SHLD2: variants seen among roughly 807,000 people sequenced by gnomAD.
SHLD2 encodes shieldin complex subunit 2, also known as RINN1-REV7-interacting novel NHEJ regulator 2.
A neutral mutation model predicts 73.2 loss-of-function variants in SHLD2; 30 were observed. The ratio of observed to expected loss-of-function variants is 0.41; its 90% CI spans 0.31 to 0.56. The LOEUF is 0.56. Ranked by LOEUF, SHLD2 falls within the 20% of genes least tolerant of loss-of-function variation. SHLD2 has a pLI of 0.28. For synonymous variants in SHLD2, 285 were observed against 370.1 expected (o/e 0.77, Z 2.64); for missense variants, 745 against 1,055.9 (o/e 0.71, Z 4.08).
intron 6 of SHLD2, 107 bp from the exon 7 acceptor site, chr10:87,175,782 T>G (rs1847916395): frequency 1.9e-6 from 2 of 1,072,466 alleles, no homozygotes; most frequent in Non-Finnish European, 2.7e-6. Context: ...TCTTTAGTGA[T>G]AAAAGATTAG....
chr10:87,155,525 T>G (rs1846353668), intron 3 of SHLD2, among the ~76,000 whole-genome samples: 1 of 152,086 alleles, frequency 6.6e-6, no homozygotes, highest in Non-Finnish European at 1.5e-5. Context: ...TTTCTTTAAT[T>G]TGTTTCATTA....
chr10:87,095,710 A>T (rs1328939610), intron 1 of SHLD2, among the ~76,000 whole-genome samples: 1 of 152,194 alleles, frequency 6.6e-6, no homozygotes, highest in Non-Finnish European at 1.5e-5. Flanking sequence ...CAGTGTGGAG[A>T]TCGCATAGTT....
intron 2 of SHLD2, among the ~76,000 whole-genome samples, chr10:87,151,009 T>C (rs1845972315): frequency 6.6e-6 from 1 of 151,924 alleles, no homozygotes; most frequent in Non-Finnish European, 1.5e-5. Flanking sequence ...GTTTTTAGTA[T>C]AGACGGCGTT....
Position 87,190,884 on chromosome 10 carries a change from T to G in SHLD2, c.*201T>G. The G allele has an allele frequency of 6.8e-6, 4 of 589,106 alleles. No homozygotes were observed. The highest frequency in any genetic ancestry group is 1.2e-5 in the Non-Finnish European group (4 of 335,152). 36.5% of individuals were successfully genotyped at this position (589,106 alleles called of 1,614,324 possible). On this transcript the variant is annotated 3_prime_UTR_variant, in exon 10 of 10. Transcript: ENST00000298786. ...AAAAAGATTGTTTTTGTCTTTTGGT[T>G]TCTTACTTTCTCCTGGAGAAATGAT...
rs373379262 is a variant in SHLD2, at chr10:87,148,718, G to C, written c.-5-2632G>C. Among the ~76,000 whole-genome samples the C allele has an allele frequency of 3.3e-5, 5 of 152,054 alleles. No individual in the cohort carries two copies. In the East Asian group the frequency reaches 9.7e-4, roughly 29 times the overall value. On this transcript the variant is annotated intron_variant, in intron 2 of 9. Coordinates refer to ENST00000298786, the MANE Select transcript of SHLD2 (RefSeq NM_001330112.2). ...TGATTGCACCATTGCACTCCAGCCT[G>C]GGTGACAGAGAGAGACCCTAACTCA... is the stretch of plus-strand genomic sequence containing the variant.
chr10:87,098,254 C>T (rs1589409071), intron 2 of SHLD2, among the ~76,000 whole-genome samples: 1 of 151,930 alleles, frequency 6.6e-6, no homozygotes, highest in East Asian at 1.9e-4. Flanking sequence ...TGGCTCATAC[C>T]TGTAATCCCA....
chr10:87,168,050 G>A (rs1046235853), intron 4 of SHLD2, among the ~76,000 whole-genome samples: 18 of 152,168 alleles, frequency 1.2e-4, no homozygotes, highest in Admixed American at 5.9e-4. Flanking sequence ...TAGTTCAGCC[G>A]CTGTTGAAAA....
chr10:87,132,543 G>C (rs1209121244), intron 2 of SHLD2, among the ~76,000 whole-genome samples: 1 of 152,138 alleles, frequency 6.6e-6, no homozygotes, highest in Non-Finnish European at 1.5e-5. Flanking sequence ...GGGAGGCTTA[G>C]GTGGATGGAT....
intron 2 of SHLD2, among the ~76,000 whole-genome samples, chr10:87,137,447 A>C (rs903605938): frequency 4.6e-5 from 7 of 152,136 alleles, no homozygotes; most frequent in African/African-American, 1.7e-4. Flanking sequence ...TGAATTCATT[A>C]CATGGGCTTA....
At chr10:87,119,717 G>A (rs919317727) in intron 2 of SHLD2, among the ~76,000 whole-genome samples, 3 of 151,618 alleles carry the variant, frequency 2.0e-5, no homozygotes, top group Non-Finnish European at 4.4e-5. Context: ...GGCGGAGGTT[G>A]CAGTGAGCCA....
At chr10:87,159,102 T>C (rs1295073569) in intron 4 of SHLD2, among the ~76,000 whole-genome samples, 4 of 152,138 alleles carry the variant, frequency 2.6e-5, no homozygotes, top group Non-Finnish European at 2.9e-5. Context: ...TAGAGAAATA[T>C]ACTGATTATA....
At chr10:87,138,257 G>A (rs1303700049) in intron 2 of SHLD2, among the ~76,000 whole-genome samples, 5 of 151,796 alleles carry the variant, frequency 3.3e-5, no homozygotes, top group Non-Finnish European at 5.9e-5. Context: ...GAGATCACAC[G>A]CCACTGCACT....
intron 2 of SHLD2, among the ~76,000 whole-genome samples, chr10:87,147,740 G>A (rs1027483389): frequency 7.4e-4 from 113 of 152,068 alleles, no homozygotes; most frequent in African/African-American, 2.7e-3. Flanking sequence ...AAAATTTTGT[G>A]ATTAACTGTA....
chr10:87,183,749 C>T (rs1347211357), intron 8 of SHLD2, among the ~76,000 whole-genome samples: 2 of 152,214 alleles, frequency 1.3e-5, no homozygotes, highest in Non-Finnish European at 2.9e-5. Context: ...CTTCTTTCCT[C>T]ACTCTAACTG....
chr10:87,117,604 G>A (rs1843332779), intron 2 of SHLD2, among the ~76,000 whole-genome samples: 2 of 152,134 alleles, frequency 1.3e-5, no homozygotes, highest in Admixed American at 1.3e-4. Flanking sequence ...AACCAGCCTG[G>A]GCAACATGGC....
In SHLD2 at chr10:87,152,515, C is replaced by G; in HGVS notation, c.1161C>G (p.Gly387=). The change falls in exon 3 of 10, where the codon GGC becomes GGG. Residue 387 remains glycine, a synonymous_variant. Transcript: ENST00000298786. ...KRSCTSEDKV[G]QSEALSRVLQ... ...GCTGTACCTCTGAAGATAAAGTGGG[C>G]CAGTCTGAAGCTCTATCTAGAGTCC... 1.9e-6 allele frequency: 3 copies of G among 1,611,804 alleles called. No homozygotes were observed. The highest frequency in any genetic ancestry group is 1.7e-6 in the Non-Finnish European group (2 of 1,179,822).
intron 2 of SHLD2, among the ~76,000 whole-genome samples, chr10:87,140,625 C>A (rs1845126748): frequency 6.6e-6 from 1 of 151,304 alleles, no homozygotes; most frequent in Non-Finnish European, 1.5e-5. Flanking sequence ...ACTCTCAGAT[C>A]CAAGAAACTC....
At chr10:87,097,254 A>C (rs935271551) in intron 2 of SHLD2, among the ~76,000 whole-genome samples, 1 of 152,134 alleles carries the variant, frequency 6.6e-6, no homozygotes, top group African/African-American at 2.4e-5. Context: ...TGACTTGTTC[A>C]CCTGAATTCA....
intron 2 of SHLD2, among the ~76,000 whole-genome samples, chr10:87,123,725 C>G (rs1259348569): frequency 2.0e-5 from 3 of 152,126 alleles, no homozygotes; most frequent in Admixed American, 1.3e-4. Context: ...TGAGGCAGAT[C>G]CCTCATGGCA....
Sources: allele counts gnomAD v4.1 joint callset (sites outside exome capture counted in the v4.1 genomes callset), GRCh38; gene constraint gnomAD v4.1.1; transcripts MANE v1.5; gene names NCBI Gene and HGNC (gene_info 2026-07-23, HGNC 2026-07-21).